The following RYR3 variants were observed in gnomAD, a reference collection of about 807,000 sequenced individuals.
RYR3 encodes the protein brain ryanodine receptor-calcium release channel.
Under a neutral mutation model 584.3 loss-of-function variants are expected in RYR3, and 207 were observed. That is an observed-to-expected ratio of 0.35 (90% CI 0.32 to 0.40). The LOEUF (loss-of-function observed/expected upper bound fraction) is 0.40. Ranked by LOEUF, RYR3 falls within the 10% of genes least tolerant of loss-of-function variation. The probability of loss-of-function intolerance (pLI) is 1.00; values close to 1 mark genes in which losing one functional copy is unlikely to be tolerated. For synonymous variants in RYR3, 2,416 were observed against 2,248.5 expected (o/e 1.07, Z -2.11); for missense variants, 5,616 against 6,089.2 (o/e 0.92, Z 2.59).
intron 45 of RYR3, 127 bp from the exon 46 acceptor site, chr15:33,726,259 G>T (rs1596326128): frequency 2.0e-6 from 2 of 988,616 alleles, no homozygotes; most frequent in East Asian, 5.3e-5. Context: ...AGTGTCTGTA[G>T]CAATTAGGGA....
chr15:33,862,712 G>GTTAT (rs1888812642), intron 102 of RYR3, among the ~76,000 whole-genome samples: 2 of 152,072 alleles, frequency 1.3e-5, no homozygotes, highest in Admixed American at 1.3e-4. Context: ...CTGGATTCAA[G>GTTAT]TGATTCTCCT....
intron 1 of RYR3, among the ~76,000 whole-genome samples, chr15:33,403,788 T>C (rs2042839389): frequency 6.6e-6 from 1 of 152,228 alleles, no homozygotes; most frequent in African/African-American, 2.4e-5. Context: ...AAGTAGACTC[T>C]GTGCATAATC....
chr15:33,548,866 A>G (rs1359169213), intron 9 of RYR3, among the ~76,000 whole-genome samples: 1 of 152,176 alleles, frequency 6.6e-6, no homozygotes, highest in African/African-American at 2.4e-5. Context: ...TTGGAATGAG[A>G]GAGGAGGGTT....
chr15:33,817,119 A>G (rs2076858105), intron 75 of RYR3, among the ~76,000 whole-genome samples, 161 bp downstream of exon 75: 5 of 152,240 alleles, frequency 3.3e-5, no homozygotes, highest in Non-Finnish European at 7.3e-5. Context: ...GCTAATGGTC[A>G]TAGGAGCCAG....
intron 2 of RYR3, among the ~76,000 whole-genome samples, chr15:33,487,977 T>G (rs978544317): frequency 3.3e-5 from 5 of 152,218 alleles, no homozygotes; most frequent in Non-Finnish European, 7.3e-5. Context: ...AGAAATAGCA[T>G]AGAAGTCAAG....
intron 1 of RYR3, among the ~76,000 whole-genome samples, chr15:33,337,474 C>G (rs535790224): frequency 6.6e-6 from 1 of 152,212 alleles, no homozygotes; most frequent in Admixed American, 6.5e-5. Flanking sequence ...AGAAGAAACA[C>G]TCCCAAATTA....
At chr15:33,826,135 A>C in intron 82 of RYR3, 117 bp from the exon 83 acceptor site, 1 of 993,118 alleles carries the variant, frequency 1.0e-6, no homozygotes. Flanking sequence ...CGGTAGCTTT[A>C]ATAAAGCTAT....
At position 33,657,283 on chromosome 15, in the gene RYR3, A is replaced by G. The variant is rs1227470048; in HGVS notation, c.4309-2437A>G. Among the ~76,000 whole-genome samples, 3 of 152,236 alleles carry G rather than the reference A, an allele frequency of 2.0e-5. No individual in the cohort carries two copies. In the East Asian group the frequency reaches 5.8e-4, roughly 29 times the overall value. ...AGTTTGGGCAGTTTATGAAGTTTTC[A>G]GGAACCAGTCCTGAGGGACCTGAAA... On this transcript the variant is annotated intron_variant, in intron 32 of 103. Transcript: ENST00000634891.
intron 1 of RYR3, among the ~76,000 whole-genome samples, chr15:33,420,781 G>T (rs1012420009): frequency 1.3e-5 from 2 of 152,060 alleles, no homozygotes; most frequent in Non-Finnish European, 2.9e-5. Context: ...AAGGCCCCTT[G>T]ATGAAATATG....
intron 1 of RYR3, among the ~76,000 whole-genome samples, chr15:33,453,720 C>G (rs2047321949): frequency 6.6e-6 from 1 of 151,990 alleles, no homozygotes. Context: ...CCTGATTTTT[C>G]TATGGAAAGA....
Position 33,311,169 on chromosome 15 carries a change from C to T in RYR3, c.51+73C>T. ...GCGGAGCGCGGCGAGGAGGGGCTGG[C>T]TGCGCTGCGCCGCGGTGCCGGGTGC... On this transcript the variant is annotated intron_variant, in intron 1 of 103. Coordinates refer to ENST00000634891, the MANE Select transcript of RYR3 (RefSeq NM_001036.6). This position sits in a 1 kb window ranked among gnomAD's most constrained non-coding sequence, Gnocchi z 4.4. The T allele has an allele frequency of 8.4e-7, 1 of 1,191,782 alleles. No homozygotes were observed. Among genetic ancestry groups the T allele is most frequent in the Non-Finnish European group, 1.1e-6 (1 of 887,834 alleles). 73.8% of individuals were successfully genotyped at this position (1,191,782 alleles called of 1,614,324 possible). A position where few individuals can be genotyped will look rare whatever the true frequency, so the allele number is the denominator to read the frequency against.
chr15:33,732,845 C>A (rs1233694704), intron 48 of RYR3, among the ~76,000 whole-genome samples: 2 of 152,186 alleles, frequency 1.3e-5, no homozygotes, highest in Non-Finnish European at 2.9e-5. Context: ...CTGTAGGGCA[C>A]TCCAGAGAGA....
intron 2 of RYR3, among the ~76,000 whole-genome samples, chr15:33,494,936 A>G (rs2051288607): frequency 6.6e-6 from 1 of 152,214 alleles, no homozygotes; most frequent in Non-Finnish European, 1.5e-5. Flanking sequence ...CTGAATATAT[A>G]CACATTTAAA....
Position 33,749,991 on chromosome 15 carries a change from G to A in RYR3, c.8212G>A (p.Val2738Ile), listed in dbSNP as rs1488174946. The change falls in exon 56 of 104, where the codon GTC (valine) becomes ATC (isoleucine). Residue 2738 changes from valine (V) to isoleucine (I), a missense_variant. Physicochemically the swap from Val to Ile is conservative, Grantham distance 29 (BLOSUM62 3). Coordinates refer to ENST00000634891, the MANE Select transcript of RYR3 (RefSeq NM_001036.6). ...TGGTGGGACACAGGGAATGGTGGAG[G>A]TCGTGGCTGAGAACTATCACAATAT... ...LSRELQGMVE[V>I]VAENYHNIWA... 6.8e-6 allele frequency: 11 copies of A among 1,612,118 alleles called. No homozygotes were observed. The highest frequency in any genetic ancestry group is 9.3e-6 in the Non-Finnish European group (11 of 1,179,386).
intron 102 of RYR3, among the ~76,000 whole-genome samples, chr15:33,863,188 TG>T (rs1161594472): frequency 6.6e-6 from 1 of 152,146 alleles, no homozygotes; most frequent in East Asian, 1.9e-4. Flanking sequence ...ATTTTATTCG[TG>T]TTTGAGCCTC....
At chr15:33,668,089 A>C (rs2063589177) in intron 36 of RYR3, among the ~76,000 whole-genome samples, 2 of 149,928 alleles carry the variant, frequency 1.3e-5, no homozygotes, top group South Asian at 4.2e-4. Context: ...TCCCTGAGAC[A>C]AAAACTAAAA....
At chr15:33,606,355 G>A (rs1191496891) in intron 18 of RYR3, among the ~76,000 whole-genome samples, 1 of 152,178 alleles carries the variant, frequency 6.6e-6, no homozygotes, top group Non-Finnish European at 1.5e-5. Context: ...CAAATCCAGA[G>A]TCCTTGGTAC....
At chr15:33,454,147 A>G (rs1353431431) in intron 1 of RYR3, among the ~76,000 whole-genome samples, 1 of 152,228 alleles carries the variant, frequency 6.6e-6, no homozygotes, top group Non-Finnish European at 1.5e-5. Context: ...AAGATGCTGT[A>G]GTATTGGAAA....
At chr15:33,465,805 G>T (rs1328366378) in intron 1 of RYR3, 1 of 518,806 alleles carries the variant, frequency 1.9e-6, no homozygotes, top group East Asian at 5.5e-5. Context: ...AGTAGAATGA[G>T]AAGAATTTGC....
Sources: gnomAD v4.1 joint callset for allele counts (sites outside exome capture counted in the v4.1 genomes callset) on GRCh38, gnomAD v4.1.1 for gene constraint, Gnocchi (gnomAD v3.1) non-coding constraint, MANE v1.5 for transcripts, NCBI Gene and HGNC (gene_info 2026-07-23, HGNC 2026-07-21) for gene names.